Variants in TMEM178B observed in about 807,000 individuals in gnomAD.
The protein encoded by TMEM178B is transmembrane protein 178B.
A neutral mutation model predicts 31.0 loss-of-function variants in TMEM178B; 5 were observed. The ratio of observed to expected loss-of-function variants is 0.16; its 90% confidence interval spans 0.08 to 0.34. The LOEUF is 0.34. Among genes scored for constraint, TMEM178B ranks in the 10% least tolerant of loss-of-function variants. TMEM178B has a pLI of 1.00. For synonymous variants in TMEM178B, 164 were observed against 164.0 expected, an observed-to-expected ratio of 1.00 and a Z score of 0.00; for missense variants, 275 against 400.3, an observed-to-expected ratio of 0.69 and a Z score of 2.67.
intron 3 of TMEM178B, among the ~76,000 whole-genome samples, chr7:141,438,696 TA>T (rs869132131): frequency 0.017 from 486 of 28,966 alleles, 7 homozygotes; most frequent in East Asian, 0.042. Context: ...CCGTCTCTAC[TA>T]AAAAAAAAAA....
intron 2 of TMEM178B, among the ~76,000 whole-genome samples, chr7:141,305,897 G>A (rs1798808354): frequency 6.6e-6 from 1 of 151,990 alleles, no homozygotes; most frequent in Admixed American, 6.6e-5. Context: ...CCCATTAGAT[G>A]AGCTCTTTAT....
intron 1 of TMEM178B, among the ~76,000 whole-genome samples, chr7:141,159,494 T>A (rs1226350689): frequency 6.6e-6 from 1 of 152,186 alleles, no homozygotes; most frequent in Non-Finnish European, 1.5e-5. Context: ...GAGATGTTTG[T>A]ACACCCATGT....
At chr7:141,121,631 T>C (rs536344882) in intron 1 of TMEM178B, among the ~76,000 whole-genome samples, 1 of 152,308 alleles carries the variant, frequency 6.6e-6, no homozygotes, top group Non-Finnish European at 1.5e-5. Context: ...GCTCTTATTC[T>C]CTCAGTCTTG....
Position 141,392,690 on chromosome 7 carries a change from G to A in TMEM178B, c.497-44918G>A, listed in dbSNP as rs116848736. Among the ~76,000 whole-genome samples the A allele has an allele frequency of 4.1e-3, 631 of 152,090 alleles. 1 individual carries two copies. Among genetic ancestry groups the A allele is most frequent in the Non-Finnish European group, 6.1e-3 (413 of 67,992 alleles). ...AACCGGAATACAGTAACCAAGGATC[G>A]CACATGGCAGGCCTTTGACTCTATC... On this transcript the variant is annotated intron_variant, in intron 2 of 3. Transcript: ENST00000565468.
At chr7:141,190,872 T>C (rs1285652642) in intron 1 of TMEM178B, among the ~76,000 whole-genome samples, 1 of 152,230 alleles carries the variant, frequency 6.6e-6, no homozygotes, top group Admixed American at 6.5e-5. Context: ...GGCAAGCATA[T>C]ACCTATTCAT....
intron 3 of TMEM178B, among the ~76,000 whole-genome samples, chr7:141,468,109 G>A (rs1802177457): frequency 6.6e-6 from 1 of 151,876 alleles, no homozygotes; most frequent in African/African-American, 2.4e-5. Context: ...CAATCCATTT[G>A]TATTTCTTCC....
At chr7:141,404,318 AAAAC>A (rs550387001) in intron 2 of TMEM178B, among the ~76,000 whole-genome samples, 343 of 152,294 alleles carry the variant, frequency 2.3e-3, no homozygotes, top group African/African-American at 6.9e-3. Context: ...AACAAAAACA[AAAAC>A]AAACAAACAA....
intron 1 of TMEM178B, among the ~76,000 whole-genome samples, chr7:141,080,317 G>A (rs1485311119): frequency 2.0e-5 from 3 of 152,094 alleles, no homozygotes; most frequent in Admixed American, 6.6e-5. Flanking sequence ...GGGGAGAGAC[G>A]GACAATAAAT....
chr7:141,387,219 G>C (rs886148668), intron 2 of TMEM178B, among the ~76,000 whole-genome samples: 2 of 152,168 alleles, frequency 1.3e-5, no homozygotes, highest in Non-Finnish European at 2.9e-5. Flanking sequence ...GTTGGAAGGA[G>C]CTTAGATTAT....
At chr7:141,375,509 T>A (rs1162860546) in intron 2 of TMEM178B, among the ~76,000 whole-genome samples, 2 of 152,214 alleles carry the variant, frequency 1.3e-5, no homozygotes, top group African/African-American at 4.8e-5. Context: ...CTAACATCTG[T>A]GTTAGAAGCA....
chr7:141,490,786 G>A, the TMEM178B span, among the ~76,000 whole-genome samples: 19 of 152,262 alleles, frequency 1.2e-4, no homozygotes, highest in African/African-American at 4.1e-4. Context: ...GCAGCTTCCC[G>A]TTTACTGAAC....
chr7:141,209,637 G>A (rs1464911578), intron 1 of TMEM178B, among the ~76,000 whole-genome samples: 2 of 152,172 alleles, frequency 1.3e-5, no homozygotes, highest in Non-Finnish European at 2.9e-5. Context: ...GGGGAGTGAG[G>A]CATGTAAACA....
At chr7:141,430,691 C>G (rs1308231171) in intron 2 of TMEM178B, among the ~76,000 whole-genome samples, 1 of 152,120 alleles carries the variant, frequency 6.6e-6, no homozygotes, top group Non-Finnish European at 1.5e-5. Flanking sequence ...CTGGAATCTT[C>G]CCTATCCTTT....
chr7:141,158,310 G>A (rs1055161417), intron 1 of TMEM178B, among the ~76,000 whole-genome samples: 1 of 152,130 alleles, frequency 6.6e-6, no homozygotes, highest in Non-Finnish European at 1.5e-5. Flanking sequence ...TGGTCAGGCT[G>A]CTCTCGAACT....
intron 2 of TMEM178B, among the ~76,000 whole-genome samples, chr7:141,401,853 G>A (rs1023644207): frequency 6.6e-6 from 1 of 152,146 alleles, no homozygotes; most frequent in Non-Finnish European, 1.5e-5. Flanking sequence ...CTAATCAATA[G>A]TAAATAGCAA....
At chr7:141,200,050 C>CA (rs35726549) in intron 1 of TMEM178B, among the ~76,000 whole-genome samples, 31 of 148,644 alleles carry the variant, frequency 2.1e-4, no homozygotes, top group African/African-American at 6.6e-4. Flanking sequence ...GACTCTGTCT[C>CA]AAAAAAAAAA....
At chr7:141,121,228 T>C (rs954919154) in intron 1 of TMEM178B, among the ~76,000 whole-genome samples, 2 of 152,194 alleles carry the variant, frequency 1.3e-5, no homozygotes, top group African/African-American at 4.8e-5. Flanking sequence ...TTATTGTACA[T>C]TGTTTTGTTT....
In TMEM178B at chr7:141,301,069, G is replaced by A. The variant is rs552262993; in HGVS notation, c.496+88365G>A. ...AGGAACACTTAACTCTGCTCAAAAG[G>A]CTTTGTTCCAGATCCTTCTGAGTAC... On this transcript the variant is annotated intron_variant, in intron 2 of 3. Coordinates refer to ENST00000565468, the MANE Select transcript of TMEM178B (RefSeq NM_001195278.2). Among the ~76,000 whole-genome samples, 5 of 152,214 alleles carry A rather than the reference G, an allele frequency of 3.3e-5. No homozygotes were observed. In the South Asian group the frequency reaches 1.0e-3, roughly 32 times the overall value.
At position 141,157,455 on chromosome 7, in the gene TMEM178B, G is replaced by A. The variant is rs552503969; in HGVS notation, c.383-55136G>A. Among the ~76,000 whole-genome samples the A allele has an allele frequency of 1.6e-4, 24 of 151,432 alleles. No homozygotes were observed. In the East Asian group the frequency reaches 3.9e-3, roughly 24 times the overall value. ...CACACACACACACGCACACACACAC[G>A]CACACCAGCCAACCAACAAGCAAAC... is the stretch of plus-strand genomic sequence containing the variant. On this transcript the variant is annotated intron_variant, in intron 1 of 3. Transcript: ENST00000565468.
Sources: gnomAD v4.1 joint callset for allele counts (sites outside exome capture counted in the v4.1 genomes callset) on GRCh38, gnomAD v4.1.1 for gene constraint, MANE v1.5 for transcripts, NCBI Gene and HGNC (gene_info 2026-07-23, HGNC 2026-07-21) for gene names.